SLIT2: variants seen among roughly 807,000 people sequenced by gnomAD.
The protein encoded by SLIT2 is slit homolog 2 protein.
In SLIT2, 41 loss-of-function variants were observed where a neutral mutation model predicts 185.7. That is an observed-to-expected ratio of 0.22 (90% CI 0.17 to 0.29). SLIT2 has a LOEUF of 0.29. SLIT2 is among the 10% of genes least tolerant of loss of function. The pLI is 1.00. For synonymous variants in SLIT2, 693 were observed against 680.2 expected, an observed-to-expected ratio of 1.02 and a Z score of -0.29; for missense variants, 1,571 against 1,909.0, an observed-to-expected ratio of 0.82 and a Z score of 3.30.
At chr4:20,271,829 A>G (rs534833922) in intron 4 of SLIT2, among the ~76,000 whole-genome samples, 1 of 152,232 alleles carries the variant, frequency 6.6e-6, no homozygotes, top group African/African-American at 2.4e-5. Context: ...TGGAATAAAT[A>G]ATCGCCCTTT....
chr4:20,364,056 T>C (rs988772141), intron 4 of SLIT2, among the ~76,000 whole-genome samples: 1 of 152,150 alleles, frequency 6.6e-6, no homozygotes, highest in African/African-American at 2.4e-5. Context: ...CCATCTACAA[T>C]TGATTTTTCT....
intron 25 of SLIT2, 116 bp from the exon 26 acceptor site, chr4:20,553,689 T>C: frequency 1.0e-6 from 1 of 971,714 alleles, no homozygotes; most frequent in Non-Finnish European, 1.4e-6. Flanking sequence ...CTGCTGAGCA[T>C]CACTTTGAAT....
At chr4:20,430,883 A>G (rs1288624838) in intron 4 of SLIT2, among the ~76,000 whole-genome samples, 1 of 152,172 alleles carries the variant, frequency 6.6e-6, no homozygotes, top group Non-Finnish European at 1.5e-5. Flanking sequence ...TGAGATCCAT[A>G]TCTACATGTA....
intron 4 of SLIT2, among the ~76,000 whole-genome samples, chr4:20,431,419 A>G (rs1337640476): frequency 6.6e-6 from 1 of 152,068 alleles, no homozygotes; most frequent in Non-Finnish European, 1.5e-5. Flanking sequence ...TTAAAGACAG[A>G]GCAGCTATCC....
At chr4:20,482,475 C>G (rs1411393299) in intron 6 of SLIT2, among the ~76,000 whole-genome samples, 1 of 151,956 alleles carries the variant, frequency 6.6e-6, no homozygotes, top group Admixed American at 6.6e-5. Flanking sequence ...TGATTATTTT[C>G]TATAAACTAA....
At chr4:20,272,271 T>TA (rs5856553) in intron 4 of SLIT2, among the ~76,000 whole-genome samples, 50,063 of 145,152 alleles carry the variant, frequency 0.34, 8,797 homozygotes, top group East Asian at 0.7. Flanking sequence ...GGTTGGAGGT[T>TA]AAAAAAAAAA....
chr4:20,475,378 T>G (rs1057399163), intron 5 of SLIT2, among the ~76,000 whole-genome samples: 1 of 151,910 alleles, frequency 6.6e-6, no homozygotes, highest in Admixed American at 6.6e-5. Context: ...CTGTCTTTTC[T>G]GACATTCTAT....
chr4:20,289,726 A>G (rs1428357133), intron 4 of SLIT2, among the ~76,000 whole-genome samples: 1 of 152,238 alleles, frequency 6.6e-6, no homozygotes, highest in African/African-American at 2.4e-5. Context: ...TCAAAATAGT[A>G]TATCACACAA....
intron 9 of SLIT2, among the ~76,000 whole-genome samples, chr4:20,497,818 A>C (rs1718362586): frequency 6.6e-6 from 1 of 152,146 alleles, no homozygotes; most frequent in Non-Finnish European, 1.5e-5. Context: ...CAGGGGAAGG[A>C]GATCTTGGAC....
At chr4:20,574,786 CAAAAAA>C (rs57022828) in intron 29 of SLIT2, among the ~76,000 whole-genome samples, 9 of 86,174 alleles carry the variant, frequency 1.0e-4, no homozygotes, top group African/African-American at 1.4e-4. Flanking sequence ...GACTCGCTTT[CAAAAAA>C]AAAAAAAAAA....
At chr4:20,339,242 G>T (rs777484812) in intron 4 of SLIT2, among the ~76,000 whole-genome samples, 5 of 151,796 alleles carry the variant, frequency 3.3e-5, no homozygotes, top group Non-Finnish European at 7.4e-5. Flanking sequence ...AACTGAACCT[G>T]ATTTAATTTG....
chr4:20,498,938 G>A (rs1272711909), intron 9 of SLIT2, among the ~76,000 whole-genome samples: 4 of 152,170 alleles, frequency 2.6e-5, no homozygotes, highest in African/African-American at 7.2e-5. Context: ...CCAGTAGTAG[G>A]ATTGATAGGT....
intron 33 of SLIT2, among the ~76,000 whole-genome samples, chr4:20,604,064 A>T (rs1261531270): frequency 6.6e-6 from 1 of 152,208 alleles, no homozygotes; most frequent in Non-Finnish European, 1.5e-5. Context: ...GAATGAATGT[A>T]AAGCACCTAA....
intron 4 of SLIT2, among the ~76,000 whole-genome samples, chr4:20,448,550 A>G (rs1041531757): frequency 2.0e-5 from 3 of 151,970 alleles, no homozygotes; most frequent in Non-Finnish European, 4.4e-5. Flanking sequence ...TGAATTCCCG[A>G]CCTCAGGTGA....
At chr4:20,340,490 A>G (rs1345165282) in intron 4 of SLIT2, among the ~76,000 whole-genome samples, 1 of 152,144 alleles carries the variant, frequency 6.6e-6, no homozygotes, top group Non-Finnish European at 1.5e-5. Flanking sequence ...TCTCTTCTGG[A>G]TGTTTAGGAC....
intron 4 of SLIT2, among the ~76,000 whole-genome samples, chr4:20,415,188 G>C (rs1373749220): frequency 6.6e-6 from 1 of 152,110 alleles, no homozygotes; most frequent in Non-Finnish European, 1.5e-5. Context: ...GAGGCGGGCG[G>C]ATCACGAGGT....
At chr4:20,496,417 A>G (rs889313774) in intron 9 of SLIT2, among the ~76,000 whole-genome samples, 1 of 152,196 alleles carries the variant, frequency 6.6e-6, no homozygotes, top group African/African-American at 2.4e-5. Flanking sequence ...GCTTGTGCAC[A>G]TTTGATCTTC....
At chr4:20,430,052 A>G (rs1728853724) in intron 4 of SLIT2, among the ~76,000 whole-genome samples, 1 of 152,268 alleles carries the variant, frequency 6.6e-6, no homozygotes, top group Non-Finnish European at 1.5e-5. Flanking sequence ...ACAATTGTAT[A>G]GAACATAAGA....
At chr4:20,597,533 A>G (rs1362661197) in intron 32 of SLIT2, among the ~76,000 whole-genome samples, 1 of 152,232 alleles carries the variant, frequency 6.6e-6, no homozygotes, top group East Asian at 1.9e-4. Context: ...TATAGTGTAC[A>G]TGGGGCAAAT....
Sources: gnomAD v4.1 joint callset for allele counts (sites outside exome capture counted in the v4.1 genomes callset) on GRCh38, gnomAD v4.1.1 for gene constraint, MANE v1.5 for transcripts, NCBI Gene and HGNC (gene_info 2026-07-23, HGNC 2026-07-21) for gene names.